Variants in CSMD1 observed in about 807,000 individuals in gnomAD.
CSMD1 encodes the protein CUB and Sushi multiple domains 1.
A neutral mutation model predicts 417.5 loss-of-function variants in CSMD1; 213 were observed. That is an observed-to-expected ratio of 0.51 (90% CI 0.46 to 0.57). The LOEUF is 0.57. CSMD1 is among the 20% of genes least tolerant of loss of function. The pLI is 0.00. For synonymous variants in CSMD1, 2,862 were observed against 1,736.8 expected (o/e 1.65, Z -16.11); for missense variants, 6,923 against 4,529.7 (o/e 1.53, Z -15.17).
At chr8:3,431,008 G>C (rs886900021) in intron 12 of CSMD1, among the ~76,000 whole-genome samples, 65 of 152,134 alleles carry the variant, frequency 4.3e-4, no homozygotes, top group African/African-American at 1.4e-3. Flanking sequence ...CTCTCTTCTT[G>C]GTTTTAGTTC....
At chr8:4,261,596 G>C (rs1050099917) in intron 3 of CSMD1, among the ~76,000 whole-genome samples, 10 of 151,968 alleles carry the variant, frequency 6.6e-5, no homozygotes, top group Non-Finnish European at 1.2e-4. Flanking sequence ...ATTTTATAGA[G>C]ATGAGGTCTT....
rs888186563 is a variant in CSMD1, at chr8:3,104,771, G to A, written c.6949+1757C>T. On this transcript the variant is annotated intron_variant, in intron 46 of 69. Coordinates refer to ENST00000635120, the MANE Select transcript of CSMD1 (RefSeq NM_033225.6). Reference sequence around the variant, plus strand: ...CTCCCAGGCTGGAGAGCAATGGCAAGATCTCGGCTCACTGCAACCTCCACC... The same window carrying A: ...CTCCCAGGCTGGAGAGCAATGGCAAAATCTCGGCTCACTGCAACCTCCACC... Among the ~76,000 whole-genome samples, 21 of 147,788 alleles carry A rather than the reference G, an allele frequency of 1.4e-4. No individual in the cohort carries two copies. In the South Asian group the frequency reaches 2.1e-3, roughly 15 times the overall value.
intron 3 of CSMD1, among the ~76,000 whole-genome samples, chr8:4,105,623 C>T (rs1801528801): frequency 6.6e-6 from 1 of 152,154 alleles, no homozygotes. Context: ...ACAGGGAAAG[C>T]AAAGGGGATT....
intron 41 of CSMD1, among the ~76,000 whole-genome samples, chr8:3,132,995 C>T (rs79903962): frequency 1.3e-5 from 2 of 152,182 alleles, no homozygotes; most frequent in African/African-American, 2.4e-5. Context: ...TGGGAGGAAC[C>T]TCTCCCACTT....
intron 2 of CSMD1, among the ~76,000 whole-genome samples, chr8:4,549,094 T>G (rs1036411390): frequency 1.3e-5 from 2 of 152,166 alleles, no homozygotes; most frequent in Non-Finnish European, 2.9e-5. Flanking sequence ...CTTCCATAAG[T>G]TTGACTTAAG....
At chr8:4,473,050 A>T (rs1330420046) in intron 2 of CSMD1, among the ~76,000 whole-genome samples, 1 of 152,116 alleles carries the variant, frequency 6.6e-6, no homozygotes, top group East Asian at 1.9e-4. Context: ...CAAATTCTGC[A>T]TTAAGTGATA....
At position 3,348,529 on chromosome 8, in the gene CSMD1, T is replaced by C. The variant is rs116203518; in HGVS notation, c.3305-368A>G. Among the ~76,000 whole-genome samples the C allele has an allele frequency of 3.4e-3, 512 of 152,266 alleles. 4 individuals are homozygous for C. Among genetic ancestry groups the C allele is most frequent in the African/African-American group, 0.012 (489 of 41,558 alleles). On this transcript the variant is annotated intron_variant, in intron 21 of 69. Coordinates refer to ENST00000635120, the MANE Select transcript of CSMD1 (RefSeq NM_033225.6). ...CCCACCTCATTCCTGCCTCATGAAA[T>C]GTCCCCACCAGTTCCCACGCTCCCA...
chr8:4,921,003 G>GA (rs71209137), intron 1 of CSMD1, among the ~76,000 whole-genome samples: 2 of 44,464 alleles, frequency 4.5e-5, no homozygotes, highest in African/African-American at 3.7e-4. Context: ...AGAAAAGAAA[G>GA]AAAGAAAGAA....
At chr8:4,762,877 G>A (rs533429901) in intron 1 of CSMD1, among the ~76,000 whole-genome samples, 108 of 152,250 alleles carry the variant, frequency 7.1e-4, no homozygotes, top group African/African-American at 2.4e-3. Flanking sequence ...TATTTATTAG[G>A]CATCTCATTT....
chr8:3,278,289 A>T (rs1343737332), intron 26 of CSMD1: 1 of 152,190 alleles, frequency 6.6e-6, no homozygotes, highest in African/African-American at 2.4e-5. Context: ...TTATTTTTTA[A>T]AATGTACTTC....
intron 37 of CSMD1, among the ~76,000 whole-genome samples, chr8:3,170,209 G>T (rs905902262): frequency 2.0e-5 from 3 of 152,106 alleles, no homozygotes; most frequent in Admixed American, 1.3e-4. Flanking sequence ...TCTTTTTATT[G>T]TATTTTATTT....
intron 6 of CSMD1, among the ~76,000 whole-genome samples, chr8:3,742,617 G>A (rs1407194610): frequency 3.3e-5 from 5 of 152,102 alleles, no homozygotes; most frequent in African/African-American, 4.8e-5. Context: ...GACGTGCCCA[G>A]GTCCACTTTT....
chr8:4,553,600 A>G (rs75077785), intron 2 of CSMD1, among the ~76,000 whole-genome samples: 3,121 of 152,286 alleles, frequency 0.02, 45 homozygotes, highest in Non-Finnish European at 0.028. Context: ...TTTTTGATCT[A>G]GCACTTTAGA....
At chr8:3,359,615 G>A (rs1357220664) in intron 20 of CSMD1, among the ~76,000 whole-genome samples, 1 of 151,404 alleles carries the variant, frequency 6.6e-6, no homozygotes, top group African/African-American at 2.4e-5. Context: ...TGGAGGGAAG[G>A]ATAAAGTGAT....
At chr8:4,107,963 G>C (rs913910224) in intron 3 of CSMD1, among the ~76,000 whole-genome samples, 1 of 152,096 alleles carries the variant, frequency 6.6e-6, no homozygotes, top group Non-Finnish European at 1.5e-5. Flanking sequence ...TGCAGTAAAA[G>C]TAGCATTGAC....
At chr8:4,085,230 G>T (rs1186323360) in intron 3 of CSMD1, among the ~76,000 whole-genome samples, 1 of 152,102 alleles carries the variant, frequency 6.6e-6, no homozygotes, top group Non-Finnish European at 1.5e-5. Flanking sequence ...TCATCTGATT[G>T]ATTTAGGGAC....
At chr8:3,496,020 C>G (rs973176250) in intron 10 of CSMD1, among the ~76,000 whole-genome samples, 1 of 152,124 alleles carries the variant, frequency 6.6e-6, no homozygotes, top group Non-Finnish European at 1.5e-5. Context: ...AGGTATTAAG[C>G]CCAGCATGCA....
intron 12 of CSMD1, among the ~76,000 whole-genome samples, chr8:3,422,932 G>A (rs531559705): frequency 1.8e-4 from 27 of 152,260 alleles, no homozygotes; most frequent in African/African-American, 6.3e-4. Context: ...AAGGGCAAAA[G>A]GGGTAGATTC....
At chr8:3,886,813 A>G (rs914242387) in intron 5 of CSMD1, among the ~76,000 whole-genome samples, 2 of 152,176 alleles carry the variant, frequency 1.3e-5, no homozygotes, top group Admixed American at 1.3e-4. Flanking sequence ...AGGAGGGTAG[A>G]ATAGAGATTT....
Sources: gnomAD v4.1 joint callset for allele counts (sites outside exome capture counted in the v4.1 genomes callset) on GRCh38, gnomAD v4.1.1 for gene constraint, MANE v1.5 for transcripts, NCBI Gene and HGNC (gene_info 2026-07-23, HGNC 2026-07-21) for gene names.